ALKAL1: variants seen among roughly 807,000 people sequenced by gnomAD.
The protein encoded by ALKAL1 is AUG-beta.
A neutral mutation model predicts 13.5 loss-of-function variants in ALKAL1; 23 were observed. The observed-to-expected ratio is 1.70, with a 90% confidence interval of 1.23 to 2.41. The LOEUF is 2.41. ALKAL1 is among the 30% of genes most tolerant of loss of function. ALKAL1 has a pLI of 0.00. For missense variants in ALKAL1, 181 were observed against 178.4 expected (o/e 1.01, Z -0.08); for synonymous variants, 85 against 77.7 (o/e 1.09, Z -0.49).
At chr8:52,557,152 C>A (rs936808271) in intron 1 of ALKAL1, among the ~76,000 whole-genome samples, 1 of 152,182 alleles carries the variant, frequency 6.6e-6, no homozygotes, top group African/African-American at 2.4e-5. Context: ...ACAAATATAA[C>A]CAAGCTTTGA....
intron 1 of ALKAL1, among the ~76,000 whole-genome samples, chr8:52,564,402 C>A: frequency 6.6e-6 from 1 of 152,196 alleles, no homozygotes; most frequent in East Asian, 1.9e-4. Context: ...CGTATTCACA[C>A]GACTTCTCTG....
chr8:52,538,334 G>A (rs1847281595), intron 4 of ALKAL1, 97 bp downstream of exon 4: 1 of 712,868 alleles, frequency 1.4e-6, no homozygotes, highest in Non-Finnish European at 2.4e-6. Context: ...CCATAAATAT[G>A]TACAATCATT....
chr8:52,541,900 T>C (rs1328967990), intron 2 of ALKAL1, among the ~76,000 whole-genome samples: 7 of 152,062 alleles, frequency 4.6e-5, no homozygotes, highest in African/African-American at 7.2e-5. Context: ...TTCCCTAGCA[T>C]GCCACTTAAG....
Position 52,561,077 on chromosome 8 carries a change from A to T in ALKAL1, c.190+3990T>A, listed in dbSNP as rs9771519. Among the ~76,000 whole-genome samples, 1,334 of 152,120 alleles carry T rather than the reference A, an allele frequency of 8.8e-3. 9 individuals carry two copies. The highest frequency in any genetic ancestry group is 0.016 in the South Asian group (76 of 4,828). ...ATATATACAACAAAAAATGATTTTT[A>T]AAAAAAAGTACCCATCCATACCCCC... On this transcript the variant is annotated intron_variant, in intron 1 of 4. Coordinates refer to ENST00000358543, the MANE Select transcript of ALKAL1 (RefSeq NM_207413.4).
chr8:52,542,646 G>A (rs1188969402), intron 1 of ALKAL1, among the ~76,000 whole-genome samples: 1 of 152,106 alleles, frequency 6.6e-6, no homozygotes, highest in African/African-American at 2.4e-5. Flanking sequence ...TTGCTCTACG[G>A]CATGAAGGGT....
chr8:52,555,729 C>G (rs938581519), intron 1 of ALKAL1, among the ~76,000 whole-genome samples: 8 of 152,142 alleles, frequency 5.3e-5, no homozygotes, highest in African/African-American at 1.2e-4. Context: ...GCCAATCCTA[C>G]GCCCACTCAC....
At chr8:52,548,530 A>G (rs1000001045) in intron 1 of ALKAL1, among the ~76,000 whole-genome samples, 2 of 152,144 alleles carry the variant, frequency 1.3e-5, no homozygotes, top group African/African-American at 4.8e-5. Context: ...AGAAATGATA[A>G]TTGTTTGAGA....
chr8:52,551,041 GTTAA>G (rs1218763728), intron 1 of ALKAL1, among the ~76,000 whole-genome samples: 2 of 152,062 alleles, frequency 1.3e-5, no homozygotes, highest in African/African-American at 4.8e-5. Flanking sequence ...CATTATAAAA[GTTAA>G]TTATTTTCAC....
chr8:52,535,009 G>A (rs1018551185), intron 4 of ALKAL1, among the ~76,000 whole-genome samples: 19 of 152,090 alleles, frequency 1.2e-4, no homozygotes, highest in Non-Finnish European at 1.8e-4. Flanking sequence ...ATTTTTAAAA[G>A]TCATGTTTAT....
chr8:52,544,975 G>A (rs930791042), intron 1 of ALKAL1, among the ~76,000 whole-genome samples: 1 of 152,106 alleles, frequency 6.6e-6, no homozygotes, highest in African/African-American at 2.4e-5. Flanking sequence ...GGGTGCAATG[G>A]TGTGATCACA....
At position 52,538,517 on chromosome 8, in the gene ALKAL1, A is replaced by G. The variant is rs755621671; in HGVS notation, c.326-10T>C. The G allele has an allele frequency of 3.8e-6, 6 of 1,576,126 alleles. No individual in the cohort carries two copies. The Admixed American group carries it at 1.0e-4, about 27-fold the overall frequency. On this transcript the variant is annotated splice_polypyrimidine_tract_variant and intron_variant, in intron 3 of 4. Transcript: ENST00000358543. ...GCACATCTTTTGTAATCTAGGAAAA[A>G]CATTTAAAGGTAAATTATATATAGA...
In ALKAL1 at chr8:52,558,160, A is replaced by C. The variant is rs1432441231; in HGVS notation, c.190+6907T>G. Among the ~76,000 whole-genome samples, 3 of 148,834 alleles carry C rather than the reference A, an allele frequency of 2.0e-5. No homozygotes were observed. In the South Asian group the frequency reaches 6.4e-4, roughly 32 times the overall value. The stretch of plus-strand genomic sequence containing the variant: ...TATATATATACACGTATATATACAC[A>C]CGTATATATATACACACACATATAC... On this transcript the variant is annotated intron_variant, in intron 1 of 4. Transcript: ENST00000358543.
At position 52,538,505 on chromosome 8, in the gene ALKAL1, A is replaced by T. The variant is rs1476884072; in HGVS notation, c.328T>A (p.Tyr110Asn). ...GTTAACAATCTAGCACATCTTTTGTAATCTAGGAAAAACATTTAAAGGTAA... is the reference window on the plus strand; with the variant it reads ...GTTAACAATCTAGCACATCTTTTGTTATCTAGGAAAAACATTTAAAGGTAA... ...NTRECSTPAY[Y>N]KRCARLLTRL... The change falls in exon 4 of 5, where the codon TAC becomes AAC. Residue 110 changes from tyrosine (Y) to asparagine (N), a missense_variant and splice_region_variant. Coordinates refer to ENST00000358543, the MANE Select transcript of ALKAL1 (RefSeq NM_207413.4). The T allele has an allele frequency of 1.9e-6, 3 of 1,601,692 alleles. No individual in the cohort carries two copies. In the South Asian group the frequency reaches 3.3e-5, roughly 18 times the overall value.
chr8:52,556,646 CAAA>C (rs59483863), intron 1 of ALKAL1, among the ~76,000 whole-genome samples: 37 of 51,356 alleles, frequency 7.2e-4, no homozygotes, highest in African/African-American at 3.1e-3. Context: ...AACTCTGTCT[CAAA>C]AAAAAAAAAA....
chr8:52,564,417 T>C (rs1847580234), intron 1 of ALKAL1, among the ~76,000 whole-genome samples: 2 of 152,240 alleles, frequency 1.3e-5, no homozygotes, highest in South Asian at 4.1e-4. Context: ...TCTCTGCCTG[T>C]GGATGTCTCA....
At position 52,565,366 on chromosome 8, in the gene ALKAL1, C is replaced by T; in HGVS notation, c.-110G>A. 1 of 902,764 alleles carries T rather than the reference C, an allele frequency of 1.1e-6. No homozygotes were observed. Among genetic ancestry groups the T allele is most frequent in the Non-Finnish European group, 1.5e-6 (1 of 675,404 alleles). 55.9% of individuals were successfully genotyped at this position (902,764 alleles called of 1,614,324 possible). Reference sequence around the variant, plus strand: ...GCGGGACCACAGCGCGGCTACGCGGCCGGCCGCAGTCTTCACCGCGCGCCT... The same window carrying T: ...GCGGGACCACAGCGCGGCTACGCGGTCGGCCGCAGTCTTCACCGCGCGCCT... On this transcript the variant is annotated 5_prime_UTR_variant, in exon 1 of 5. Coordinates refer to ENST00000358543, the MANE Select transcript of ALKAL1 (RefSeq NM_207413.4).
chr8:52,551,673 G>A (rs999331570), intron 1 of ALKAL1, among the ~76,000 whole-genome samples: 9 of 151,694 alleles, frequency 5.9e-5, no homozygotes, highest in African/African-American at 2.2e-4. Flanking sequence ...TTGTAGCAGT[G>A]TTATTTGGAT....
At chr8:52,555,385 A>T (rs1188191385) in intron 1 of ALKAL1, among the ~76,000 whole-genome samples, 1 of 152,102 alleles carries the variant, frequency 6.6e-6, no homozygotes, top group Non-Finnish European at 1.5e-5. Context: ...CTGACCCTGG[A>T]GAGAATGTCC....
intron 1 of ALKAL1, among the ~76,000 whole-genome samples, chr8:52,556,423 G>A (rs918970389): frequency 2.0e-5 from 3 of 151,802 alleles, no homozygotes; most frequent in Non-Finnish European, 4.4e-5. Context: ...CGAGACGGGC[G>A]GATCACGAGG....
Sources: allele counts gnomAD v4.1 joint callset (sites outside exome capture counted in the v4.1 genomes callset), GRCh38; gene constraint gnomAD v4.1.1; transcripts MANE v1.5; gene names NCBI Gene and HGNC (gene_info 2026-07-23, HGNC 2026-07-21).